PCDH15: variants seen among roughly 807,000 people sequenced by gnomAD.
PCDH15 encodes protocadherin-15.
Under a neutral mutation model 178.5 loss-of-function variants are expected in PCDH15, and 129 were observed. The ratio of observed to expected loss-of-function variants is 0.72; its 90% CI spans 0.63 to 0.84. The LOEUF (loss-of-function observed/expected upper bound fraction) is 0.84, where lower values mean the gene tolerates loss of function less well. Ranked by LOEUF, PCDH15 falls within the 40% of genes least tolerant of loss-of-function variation. The probability of loss-of-function intolerance (pLI) is 0.00; values close to 1 mark genes in which losing one functional copy is unlikely to be tolerated. For missense variants in PCDH15, 2,230 were observed against 2,099.9 expected (o/e 1.06, Z -1.21); for synonymous variants, 800 against 732.0 (o/e 1.09, Z -1.50).
chr10:54,751,734 T>C (rs968153878), intron 1 of PCDH15, among the ~76,000 whole-genome samples: 5 of 152,120 alleles, frequency 3.3e-5, no homozygotes, highest in Non-Finnish European at 5.9e-5. Context: ...TGTTTCTTTG[T>C]CCAATCTAAA....
intron 1 of PCDH15, among the ~76,000 whole-genome samples, chr10:54,701,112 AAAT>A (rs2095304519): frequency 6.6e-6 from 1 of 152,086 alleles, no homozygotes; most frequent in African/African-American, 2.4e-5. Context: ...TAATTAGAAA[AAAT>A]AATCACAACA....
At chr10:54,631,405 T>A (rs780191106) in intron 2 of PCDH15, among the ~76,000 whole-genome samples, 2 of 152,136 alleles carry the variant, frequency 1.3e-5, no homozygotes, top group Non-Finnish European at 2.9e-5. Flanking sequence ...AAGAACAGCC[T>A]AACACAGTTG....
At chr10:54,599,812 A>G in intron 2 of PCDH15, 1 of 586,090 alleles carries the variant, frequency 1.7e-6, no homozygotes, top group Admixed American at 2.5e-5. Context: ...GGAAGCCTCT[A>G]GTGAAAAAGA....
intron 10 of PCDH15, among the ~76,000 whole-genome samples, chr10:54,210,490 A>G (rs2051308465): frequency 6.6e-6 from 1 of 152,086 alleles, no homozygotes; most frequent in Admixed American, 6.6e-5. Flanking sequence ...TCAATAGAGT[A>G]ATTGGGGCCA....
chr10:54,853,289 G>GTATATATATATA (rs71014423), intron 3 of PCDH15, among the ~76,000 whole-genome samples: 270 of 102,462 alleles, frequency 2.6e-3, no homozygotes, highest in Middle Eastern at 5.0e-3. Flanking sequence ...ATGTATGTGT[G>GTATATATATATA]TATATATATA....
At chr10:54,995,511 A>G (rs1188271203) in intron 2 of PCDH15, among the ~76,000 whole-genome samples, 1 of 151,712 alleles carries the variant, frequency 6.6e-6, no homozygotes, top group Non-Finnish European at 1.5e-5. Flanking sequence ...AAGAGAGGCA[A>G]TTTTGCCCAT....
At chr10:54,732,053 A>C (rs926437353) in intron 1 of PCDH15, among the ~76,000 whole-genome samples, 4 of 151,240 alleles carry the variant, frequency 2.6e-5, no homozygotes, top group African/African-American at 9.7e-5. Context: ...ATGTAACCTG[A>C]AAATATGTAC....
At chr10:55,626,032 A>G (rs1362439339) in intron 2 of PCDH15, among the ~76,000 whole-genome samples, 1 of 152,086 alleles carries the variant, frequency 6.6e-6, no homozygotes, top group African/African-American at 2.4e-5. Flanking sequence ...ATTCAGGGCA[A>G]CCCAACTGTG....
At chr10:54,157,995 A>C (rs966030306) in intron 13 of PCDH15, among the ~76,000 whole-genome samples, 5 of 152,202 alleles carry the variant, frequency 3.3e-5, no homozygotes, top group African/African-American at 1.2e-4. Context: ...TATTGTCCAC[A>C]TCACTATCAG....
chr10:54,246,952 G>T (rs1424601802), intron 8 of PCDH15, among the ~76,000 whole-genome samples: 2 of 151,828 alleles, frequency 1.3e-5, no homozygotes, highest in African/African-American at 4.8e-5. Context: ...TTTGTAAAGT[G>T]CTGTTCCATA....
At chr10:53,822,481 G>A in intron 32 of PCDH15, 1 of 1,609,670 alleles carries the variant, frequency 6.2e-7, no homozygotes. Context: ...GGAGGAGGAG[G>A]GGGAAGGGGA....
At chr10:55,187,599 G>A (rs112465259) in intron 1 of PCDH15, among the ~76,000 whole-genome samples, 1 of 151,902 alleles carries the variant, frequency 6.6e-6, no homozygotes, top group Non-Finnish European at 1.5e-5. Flanking sequence ...TCACATAAGG[G>A]TTTTGACCAT....
At chr10:54,589,215 C>G (rs988433756) in intron 2 of PCDH15, among the ~76,000 whole-genome samples, 1 of 152,104 alleles carries the variant, frequency 6.6e-6, no homozygotes, top group African/African-American at 2.4e-5. Context: ...TAGCAATCTA[C>G]CCTTCATTTA....
intron 2 of PCDH15, among the ~76,000 whole-genome samples, chr10:54,608,647 A>G (rs902182347): frequency 2.0e-5 from 3 of 151,994 alleles, no homozygotes; most frequent in Non-Finnish European, 4.4e-5. Context: ...TCATCAAACA[A>G]AATGATGTGA....
chr10:55,611,573 C>T (rs920481335), intron 2 of PCDH15, among the ~76,000 whole-genome samples: 7 of 151,750 alleles, frequency 4.6e-5, no homozygotes, highest in African/African-American at 1.2e-4. Flanking sequence ...ATTAGTGCAG[C>T]CATTATGGAA....
At chr10:54,930,877 T>C (rs1837754675) in intron 2 of PCDH15, among the ~76,000 whole-genome samples, 1 of 152,176 alleles carries the variant, frequency 6.6e-6, no homozygotes, top group African/African-American at 2.4e-5. Flanking sequence ...CGTAATCAAT[T>C]ACATACGTAC....
intron 2 of PCDH15, among the ~76,000 whole-genome samples, chr10:55,445,522 C>T (rs994744447): frequency 3.9e-5 from 6 of 152,066 alleles, no homozygotes; most frequent in African/African-American, 7.2e-5. Context: ...GCCCATACTA[C>T]ATAAAACAAT....
intron 5 of PCDH15, among the ~76,000 whole-genome samples, chr10:54,364,587 A>C (rs1399988190): frequency 6.6e-6 from 1 of 152,140 alleles, no homozygotes; most frequent in African/African-American, 2.4e-5. Context: ...CGCTGATTTC[A>C]ATGTTCAAAT....
intron 18 of PCDH15, 151 bp downstream of exon 18, chr10:54,066,606 A>G (rs1031259699): frequency 1.2e-5 from 7 of 595,290 alleles, no homozygotes; most frequent in Non-Finnish European, 1.7e-5. Flanking sequence ...TAAAATATAT[A>G]GGATATGATT....
Sources: allele counts gnomAD v4.1 joint callset (sites outside exome capture counted in the v4.1 genomes callset), GRCh38; gene constraint gnomAD v4.1.1; transcripts MANE v1.5; gene names NCBI Gene and HGNC (gene_info 2026-07-23, HGNC 2026-07-21).